Variants in ASIC2 observed in about 807,000 individuals in gnomAD.
ASIC2 encodes acid sensing ion channel subunit 2, also known as acid-sensing ion channel 2.
In ASIC2, 25 loss-of-function variants were observed where a neutral mutation model predicts 57.3. The observed-to-expected ratio is 0.44, with a 90% CI of 0.32 to 0.61. The LOEUF (loss-of-function observed/expected upper bound fraction) is 0.61, where lower values mean the gene tolerates loss of function less well. Ranked by LOEUF, ASIC2 falls within the 20% of genes least tolerant of loss-of-function variation. The pLI, the probability that ASIC2 is intolerant of heterozygous loss-of-function variation, is 0.06. For missense variants in ASIC2, 641 were observed against 738.1 expected (o/e 0.87, Z 1.52); for synonymous variants, 319 against 307.5 (o/e 1.04, Z -0.39).
chr17:33,941,400 C>T (rs972390774), intron 1 of ASIC2, among the ~76,000 whole-genome samples: 1 of 152,206 alleles, frequency 6.6e-6, no homozygotes, highest in African/African-American at 2.4e-5. Context: ...GGCAGCCGTA[C>T]TGCACTACCA....
At chr17:33,591,506 G>A (rs1361209094) in intron 1 of ASIC2, among the ~76,000 whole-genome samples, 3 of 152,156 alleles carry the variant, frequency 2.0e-5, no homozygotes, top group Non-Finnish European at 2.9e-5. Context: ...ATCTGAGTTG[G>A]CACTTAGAGT....
At chr17:33,964,944 G>A (rs1409872146) in intron 1 of ASIC2, among the ~76,000 whole-genome samples, 3 of 152,126 alleles carry the variant, frequency 2.0e-5, no homozygotes, top group Non-Finnish European at 4.4e-5. Flanking sequence ...TGAATTCTTG[G>A]CTAACAGGAC....
At chr17:33,427,030 C>T (rs1301509193) in intron 1 of ASIC2, among the ~76,000 whole-genome samples, 6 of 152,152 alleles carry the variant, frequency 3.9e-5, no homozygotes, top group Non-Finnish European at 5.9e-5. Flanking sequence ...TGAGGAGCTG[C>T]AGTTAAGCCT....
chr17:33,384,725 G>T (rs1909613156), intron 1 of ASIC2, among the ~76,000 whole-genome samples: 2 of 152,182 alleles, frequency 1.3e-5, no homozygotes, highest in Admixed American at 1.3e-4. Context: ...TTTCTGTAAG[G>T]TTCCTCCTTT....
intron 1 of ASIC2, among the ~76,000 whole-genome samples, chr17:33,374,312 T>G (rs1909197368): frequency 6.6e-6 from 1 of 152,138 alleles, no homozygotes. Flanking sequence ...GGCCTTTTGA[T>G]TTTTAGACTT....
intron 1 of ASIC2, among the ~76,000 whole-genome samples, chr17:33,609,202 C>T (rs1285513333): frequency 6.6e-6 from 1 of 152,228 alleles, no homozygotes; most frequent in Non-Finnish European, 1.5e-5. Context: ...AATCCATTTT[C>T]CTCAGGGATG....
intron 1 of ASIC2, chr17:34,038,790 G>A: frequency 1.2e-6 from 2 of 1,611,754 alleles, no homozygotes; most frequent in Non-Finnish European, 1.7e-6. Context: ...CTTTTCCACT[G>A]TTTCTGCTCA....
intron 1 of ASIC2, among the ~76,000 whole-genome samples, chr17:33,682,060 C>CTTTTTT (rs58085265): frequency 0.13 from 15,867 of 122,338 alleles, 1,763 homozygotes; most frequent in African/African-American, 0.2. Flanking sequence ...TCAGTGACAT[C>CTTTTTT]TTTTTTTTTT....
chr17:33,146,668 G>A (rs992713237), intron 1 of ASIC2, among the ~76,000 whole-genome samples: 2 of 152,238 alleles, frequency 1.3e-5, no homozygotes, highest in Admixed American at 1.3e-4. Context: ...TGCCTCTGGA[G>A]CTCGGAGACC....
At chr17:33,761,389 G>A (rs907427823) in intron 1 of ASIC2, among the ~76,000 whole-genome samples, 4 of 152,106 alleles carry the variant, frequency 2.6e-5, no homozygotes, top group South Asian at 2.1e-4. Context: ...TAGGGAATCC[G>A]GGGGCCCTCA....
At chr17:33,641,929 AAAAGATCATACATTTC>A (rs1481379632) in intron 1 of ASIC2, among the ~76,000 whole-genome samples, 2 of 152,224 alleles carry the variant, frequency 1.3e-5, no homozygotes, top group Non-Finnish European at 2.9e-5. Flanking sequence ...GTGAGATATA[AAAAGATCATACATTTC>A]TTTTTCTTAA....
chr17:33,223,005 G>A (rs1319642938), intron 1 of ASIC2, among the ~76,000 whole-genome samples: 1 of 152,010 alleles, frequency 6.6e-6, no homozygotes, highest in Admixed American at 6.6e-5. Context: ...ACATCAGGGA[G>A]CCGGGTTCAT....
intron 3 of ASIC2, among the ~76,000 whole-genome samples, chr17:33,061,277 A>C (rs1463991002): frequency 6.6e-6 from 1 of 152,244 alleles, no homozygotes; most frequent in Non-Finnish European, 1.5e-5. Context: ...TTGCCCATTC[A>C]GTATGATATT....
At chr17:33,446,405 C>T (rs925734928) in intron 1 of ASIC2, among the ~76,000 whole-genome samples, 2 of 152,100 alleles carry the variant, frequency 1.3e-5, no homozygotes, top group South Asian at 4.1e-4. Context: ...TGGCTCATTT[C>T]TATAGCAAAG....
chr17:33,784,989 G>A (rs1395198508), intron 1 of ASIC2, among the ~76,000 whole-genome samples: 1 of 152,140 alleles, frequency 6.6e-6, no homozygotes, highest in African/African-American at 2.4e-5. Context: ...TGCTTTGCAT[G>A]TTGTTATGAG....
intron 1 of ASIC2, among the ~76,000 whole-genome samples, chr17:33,138,544 G>A (rs762281944): frequency 2.0e-5 from 3 of 152,130 alleles, no homozygotes; most frequent in Non-Finnish European, 4.4e-5. Context: ...CCAAGAATTT[G>A]ACCATTGCCC....
intron 1 of ASIC2, among the ~76,000 whole-genome samples, chr17:34,090,883 G>A (rs547563973): frequency 2.9e-4 from 44 of 152,284 alleles, no homozygotes; most frequent in African/African-American, 1.0e-3. Flanking sequence ...GATTTGGAAG[G>A]CTCCAGGAGA....
At chr17:33,273,256 G>A (rs780635624) in intron 1 of ASIC2, among the ~76,000 whole-genome samples, 2 of 152,164 alleles carry the variant, frequency 1.3e-5, no homozygotes, top group Admixed American at 6.5e-5. Flanking sequence ...TTTTTACTGC[G>A]TGAGCTTACA....
At chr17:33,727,871 T>C (rs1351224017) in intron 1 of ASIC2, among the ~76,000 whole-genome samples, 1 of 152,248 alleles carries the variant, frequency 6.6e-6, no homozygotes. Flanking sequence ...TACATGTCAC[T>C]GTTCTGTGGG....
Sources: allele counts gnomAD v4.1 joint callset (sites outside exome capture counted in the v4.1 genomes callset), GRCh38; gene constraint gnomAD v4.1.1; transcripts MANE v1.5; gene names NCBI Gene and HGNC (gene_info 2026-07-23, HGNC 2026-07-21).